Variants in IMMP2L observed in about 807,000 individuals in gnomAD.
IMMP2L encodes mitochondrial inner membrane protease subunit 2.
IMMP2L carries 18 observed loss-of-function variants against 19.3 expected under a neutral mutation model. That is an observed-to-expected ratio of 0.93 (90% CI 0.64 to 1.38). The LOEUF (loss-of-function observed/expected upper bound fraction) is 1.38, where lower values mean the gene tolerates loss of function less well. Ranked by LOEUF, IMMP2L falls within the 40% of genes most tolerant of loss-of-function variation. IMMP2L has a pLI of 0.00. For missense variants in IMMP2L, 233 were observed against 218.2 expected (o/e 1.07, Z -0.43); for synonymous variants, 76 against 73.0 (o/e 1.04, Z -0.21).
intron 3 of IMMP2L, chr7:111,412,029 A>G (rs1208315125): frequency 6.6e-6 from 1 of 151,970 alleles, no homozygotes; most frequent in Non-Finnish European, 1.5e-5. Context: ...TTGTTCCCTG[A>G]TCTCCCTGAA....
chr7:111,439,129 C>G (rs1386771607), intron 3 of IMMP2L, among the ~76,000 whole-genome samples: 2 of 151,882 alleles, frequency 1.3e-5, no homozygotes, highest in African/African-American at 4.9e-5. Flanking sequence ...CCCCAGCATC[C>G]AGCTATCCTC....
intron 3 of IMMP2L, among the ~76,000 whole-genome samples, chr7:111,060,946 A>T (rs1197502729): frequency 2.6e-5 from 4 of 152,248 alleles, no homozygotes; most frequent in Non-Finnish European, 5.9e-5. Context: ...GGATTTAGAC[A>T]AAGTTAGGAC....
In IMMP2L at chr7:110,685,256, G is replaced by C. The variant is rs1052088397; in HGVS notation, c.409-21535C>G. Among the ~76,000 whole-genome samples the C allele has an allele frequency of 3.3e-5, 5 of 152,224 alleles. No homozygotes were observed. The South Asian group carries it at 6.2e-4, about 19-fold the overall frequency. ...CAGACCACAAAGAGCGCAAGCTTTG[G>C]AGTCAGAAAACCAGGTTTACTTTGG... On this transcript the variant is annotated intron_variant, in intron 5 of 5. Coordinates refer to ENST00000405709, the MANE Select transcript of IMMP2L (RefSeq NM_032549.4).
intron 4 of IMMP2L, among the ~76,000 whole-genome samples, chr7:110,950,368 G>T (rs1410386648): frequency 1.3e-5 from 2 of 151,760 alleles, no homozygotes; most frequent in African/African-American, 4.8e-5. Context: ...CTGTAGCTTT[G>T]TAACATATTT....
At chr7:111,379,679 G>A (rs529138527) in intron 3 of IMMP2L, among the ~76,000 whole-genome samples, 37 of 151,780 alleles carry the variant, frequency 2.4e-4, no homozygotes, top group South Asian at 1.2e-3. Flanking sequence ...TTCAAGATCC[G>A]AAAATTCCAG....
chr7:111,349,284 G>A (rs1157024949), intron 3 of IMMP2L, among the ~76,000 whole-genome samples: 1 of 151,898 alleles, frequency 6.6e-6, no homozygotes, highest in Admixed American at 6.6e-5. Context: ...AAATATGAAG[G>A]AGCACCTATG....
chr7:111,370,156 G>A (rs1830133426), intron 3 of IMMP2L, among the ~76,000 whole-genome samples: 1 of 152,008 alleles, frequency 6.6e-6, no homozygotes, highest in African/African-American at 2.4e-5. Context: ...GTGAAACTGA[G>A]CAAGTTGTTT....
chr7:111,547,508 C>CG, intron 1 of IMMP2L, among the ~76,000 whole-genome samples: 3 of 144,678 alleles, frequency 2.1e-5, no homozygotes, highest in African/African-American at 5.2e-5. Flanking sequence ...CTGTCATACC[C>CG]CCCCCCCCTT....
At chr7:111,172,588 T>G (rs1806571937) in intron 3 of IMMP2L, among the ~76,000 whole-genome samples, 1 of 151,570 alleles carries the variant, frequency 6.6e-6, no homozygotes, top group East Asian at 2.0e-4. Flanking sequence ...ACACTAGAAC[T>G]TATTCCTCCT....
intron 5 of IMMP2L, among the ~76,000 whole-genome samples, chr7:110,717,027 T>C (rs751695977): frequency 1.3e-5 from 2 of 152,148 alleles, no homozygotes; most frequent in Non-Finnish European, 2.9e-5. Context: ...TATAAGAATA[T>C]GAGGAATAAG....
intron 5 of IMMP2L, among the ~76,000 whole-genome samples, chr7:110,840,822 T>A (rs910713943): frequency 6.6e-6 from 1 of 152,122 alleles, no homozygotes; most frequent in East Asian, 1.9e-4. Flanking sequence ...TTTGTTTTTT[T>A]AACTTCTATA....
intron 3 of IMMP2L, among the ~76,000 whole-genome samples, chr7:111,028,740 A>C (rs904223124): frequency 6.6e-6 from 1 of 152,136 alleles, no homozygotes; most frequent in African/African-American, 2.4e-5. Flanking sequence ...TTTTCCTTGC[A>C]TTCTTTCTTT....
At position 111,235,930 on chromosome 7, in the gene IMMP2L, T is replaced by C. The variant is rs1814256718; in HGVS notation, c.239+251308A>G. Among the ~76,000 whole-genome samples the C allele has an allele frequency of 2.0e-5, 3 of 152,094 alleles. No individual in the cohort carries two copies. The South Asian group carries it at 6.2e-4, about 31-fold the overall frequency. ...TTTCTATTGTTATGATGTCACCTCA[T>C]TAATTTCTTTCTTTGTAGACTAAAC... is the stretch of plus-strand genomic sequence containing the variant. On this transcript the variant is annotated intron_variant, in intron 3 of 5. Transcript: ENST00000405709.
rs112447516 is a variant in IMMP2L at position 111,024,281 on chromosome 7, T to C, written c.240-60716A>G. Among the ~76,000 whole-genome samples the C allele has an allele frequency of 6.2e-4, 94 of 152,348 alleles. 1 individual carries two copies. The highest frequency in any genetic ancestry group is 2.1e-3 in the African/African-American group (89 of 41,578). ...TTTGACTTATGTAAACACCTGTTCT[T>C]TCCTTCCAGAGTCGAGTAGTTTCCT... On this transcript the variant is annotated intron_variant, in intron 3 of 5. Transcript: ENST00000405709.
chr7:111,187,606 A>G (rs1345161069), intron 3 of IMMP2L, among the ~76,000 whole-genome samples: 4 of 152,124 alleles, frequency 2.6e-5, no homozygotes, highest in African/African-American at 9.7e-5. Context: ...TTAAATATTT[A>G]TTGAAGGAAT....
intron 5 of IMMP2L, among the ~76,000 whole-genome samples, chr7:110,696,856 G>A (rs1288781681): frequency 6.6e-6 from 1 of 152,072 alleles, no homozygotes; most frequent in Non-Finnish European, 1.5e-5. Flanking sequence ...TATGTCATTA[G>A]TTAAAAAAAG....
chr7:111,012,610 G>C (rs1344041370), intron 3 of IMMP2L, among the ~76,000 whole-genome samples: 1 of 152,010 alleles, frequency 6.6e-6, no homozygotes. Flanking sequence ...GTTTTAGAAG[G>C]CCAATAAATA....
intron 5 of IMMP2L, among the ~76,000 whole-genome samples, chr7:110,854,327 C>G (rs2131548630): frequency 6.6e-6 from 1 of 151,990 alleles, no homozygotes; most frequent in Middle Eastern, 3.4e-3. Flanking sequence ...TACTTAATCC[C>G]TCTGGAATGA....
At chr7:111,186,064 T>G (rs1367521808) in intron 3 of IMMP2L, among the ~76,000 whole-genome samples, 1 of 152,154 alleles carries the variant, frequency 6.6e-6, no homozygotes, top group Non-Finnish European at 1.5e-5. Flanking sequence ...ACATCACAAA[T>G]TTTAAAGTAT....
Sources: allele counts gnomAD v4.1 joint callset (sites outside exome capture counted in the v4.1 genomes callset), GRCh38; gene constraint gnomAD v4.1.1; transcripts MANE v1.5; gene names NCBI Gene and HGNC (gene_info 2026-07-23, HGNC 2026-07-21).